Variants in TPBG observed in about 807,000 individuals in gnomAD.
TPBG encodes 5T4 oncofetal antigen.
In TPBG, 13 loss-of-function variants were observed where a neutral mutation model predicts 19.3. That is an observed-to-expected ratio of 0.67 (90% CI 0.44 to 1.07). The LOEUF is 1.07. Ranked by LOEUF, TPBG falls within the 50% of genes least tolerant of loss-of-function variation. The probability of loss-of-function intolerance (pLI) is 0.00; values close to 1 mark genes in which losing one functional copy is unlikely to be tolerated. For synonymous variants in TPBG, 338 were observed against 259.8 expected, an observed-to-expected ratio of 1.30 and a Z score of -2.89; for missense variants, 642 against 559.6, an observed-to-expected ratio of 1.15 and a Z score of -1.49.
rs1384825687 is a variant in TPBG at position 82,365,122 on chromosome 6, C to T, written c.161C>T (p.Ala54Val). The T allele has an allele frequency of 1.3e-6, 2 of 1,596,780 alleles. No individual in the cohort carries two copies. The highest frequency in any genetic ancestry group is 1.7e-6 in the Non-Finnish European group (2 of 1,172,450). ...CCGTTCCTGGCTTCCGCCGTGTCCG[C>T]CCAGCCCCCGCTGCCGGACCAGTGC... Reference protein sequence around the residue: ...SAPFLASAVSAQPPLPDQCPA... With the variant: ...SAPFLASAVSVQPPLPDQCPA... Residue 54 changes from alanine (A) to valine (V), a missense_variant, in exon 2 of 2, where the codon GCC becomes GTC. Coordinates refer to ENST00000369750, the MANE Select transcript of TPBG (RefSeq NM_001376922.1).
At position 82,366,838 on chromosome 6, in the gene TPBG, A is replaced by G. The variant is rs1019421973; in HGVS notation, c.*614A>G. 1.8e-5 allele frequency: 3 copies of G among 166,956 alleles called. No individual in the cohort carries two copies. The highest frequency in any genetic ancestry group is 7.2e-5 in the African/African-American group (3 of 41,398). 10.3% of individuals were successfully genotyped at this position (166,956 alleles called of 1,614,324 possible). On this transcript the variant is annotated 3_prime_UTR_variant, in exon 2 of 2. Coordinates refer to ENST00000369750, the MANE Select transcript of TPBG (RefSeq NM_001376922.1). Reference sequence around the variant, plus strand: ...AATTACTTTTTTGATTGCAGTTTATATGAAAATGTACTGATTTTTTTTTAA... The same window carrying G: ...AATTACTTTTTTGATTGCAGTTTATGTGAAAATGTACTGATTTTTTTTTAA...
In TPBG at chr6:82,364,619, C is replaced by G. The variant is rs1330808968; in HGVS notation, c.-339-4C>G. ...TGTTCACGCCTCTCTCCTGCTTGTC[C>G]CAGGTCCCTCAGAGGATCCAGCGAG... On this transcript the variant is annotated splice_region_variant and splice_polypyrimidine_tract_variant and intron_variant, in intron 1 of 1. Transcript: ENST00000369750. The G allele has an allele frequency of 3.6e-6, 1 of 281,104 alleles. No homozygotes were observed. Among genetic ancestry groups the G allele is most frequent in the African/African-American group, 2.2e-5 (1 of 45,354 alleles). 17.4% of individuals were successfully genotyped at this position (281,104 alleles called of 1,614,324 possible). A position where few individuals can be genotyped will look rare whatever the true frequency, so the allele number is the denominator to read the frequency against.
rs1767485872 is a variant in TPBG at position 82,365,891 on chromosome 6, G to A, written c.930G>A (p.Lys310=). The stretch of plus-strand genomic sequence containing the variant: ...TGGCAGACATGGTGACCTGGCTCAA[G>A]GAAACAGAGGTAGTGCAGGGCAAAG... ...CHMADMVTWL[K]ETEVVQGKDR... is the part of the protein sequence containing the mutation. The change falls in exon 2 of 2, where the codon AAG becomes AAA. Residue 310 remains lysine (K), a synonymous_variant. Transcript: ENST00000369750. The A allele has an allele frequency of 6.2e-7, 1 of 1,614,188 alleles. No individual in the cohort carries two copies. Among genetic ancestry groups the A allele is most frequent in the East Asian group, 2.2e-5 (1 of 44,862 alleles).
In TPBG at chr6:82,366,147, A is replaced by T. The variant is rs773064119; in HGVS notation, c.1186A>T (p.Met396Leu). The T allele has an allele frequency of 1.9e-6, 3 of 1,613,950 alleles. No homozygotes were observed. The highest frequency in any genetic ancestry group is 1.1e-5 in the South Asian group (1 of 91,040). ...HNIRDACRDH[M>L]EGYHYRYEIN... ...CATCAGAGATGCCTGCAGGGATCAC[A>T]TGGAAGGGTATCATTACAGATATGA... The change falls in exon 2 of 2, where the codon ATG becomes TTG. Residue 396 changes from methionine to leucine, a missense_variant. Transcript: ENST00000369750.
In TPBG at chr6:82,365,356, AG is replaced by A; in HGVS notation, c.397del (p.Val133CysfsTer46). 6.3e-7 allele frequency: 1 copy of A among 1,582,122 alleles called. No homozygotes were observed. Among genetic ancestry groups the A allele is most frequent in the Non-Finnish European group, 8.5e-7 (1 of 1,170,722 alleles). ...ALNLSGSRLD[E>X]VRAGAFEHLP... ...AACCTCAGCGGCAGCCGCCTGGACG[AG>A]GTGCGCGCGGGCGCCTTCGAGCATC... On this transcript the variant is annotated frameshift_variant, in exon 2 of 2. Coordinates refer to ENST00000369750, the MANE Select transcript of TPBG (RefSeq NM_001376922.1). LOFTEE classifies it high-confidence loss of function.
In TPBG at chr6:82,365,792, C is replaced by A; in HGVS notation, c.831C>A (p.Thr277=). 6.2e-7 allele frequency: 1 copy of A among 1,614,170 alleles called. No individual in the cohort carries two copies. The highest frequency in any genetic ancestry group is 8.5e-7 in the Non-Finnish European group (1 of 1,180,040). The change falls in exon 2 of 2, where the codon ACC becomes ACA. Residue 277 remains threonine (T), a synonymous_variant. Coordinates refer to ENST00000369750, the MANE Select transcript of TPBG (RefSeq NM_001376922.1). ...DNALKVLHNG[T]LAELQGLPHI... ...CCCTCAAGGTCCTTCACAATGGCAC[C>A]CTGGCTGAGTTGCAAGGTCTACCCC... is the stretch of plus-strand genomic sequence containing the variant.
In TPBG at chr6:82,365,352, G is replaced by C. The variant is rs1767461492; in HGVS notation, c.391G>C (p.Asp131His). ...GCTCAACCTCAGCGGCAGCCGCCTG[G>C]ACGAGGTGCGCGCGGGCGCCTTCGA... ...AALNLSGSRL[D>H]EVRAGAFEHL... is the part of the protein sequence containing the mutation. The change falls in exon 2 of 2, where the codon GAC becomes CAC. Residue 131 changes from aspartate (D) to histidine (H), a missense_variant. Coordinates refer to ENST00000369750, the MANE Select transcript of TPBG (RefSeq NM_001376922.1). 2 of 1,581,742 alleles carry C rather than the reference G, an allele frequency of 1.3e-6. No homozygotes were observed. Among genetic ancestry groups the C allele is most frequent in the Non-Finnish European group, 1.7e-6 (2 of 1,170,738 alleles).
rs773369774 is a variant in TPBG at position 82,365,109 on chromosome 6, T to C, written c.148T>C (p.Ser50Pro). 5.0e-6 allele frequency: 8 copies of C among 1,588,056 alleles called. No individual in the cohort carries two copies. The Admixed American group carries it at 1.4e-4, about 28-fold the overall frequency. The change falls in exon 2 of 2, where the codon TCC becomes CCC. Residue 50 changes from serine (S) to proline (P), a missense_variant. Coordinates refer to ENST00000369750, the MANE Select transcript of TPBG (RefSeq NM_001376922.1). ...SFSSSAPFLA[S>P]AVSAQPPLPD... is the part of the protein sequence containing the mutation. ...CTCCTCCTCGGCGCCGTTCCTGGCT[T>C]CCGCCGTGTCCGCCCAGCCCCCGCT...
chr6:82,365,484 C>T lies in TPBG; in HGVS notation c.523C>T (p.Leu175Phe). The change falls in exon 2 of 2, where the codon CTT (leucine) becomes TTT (phenylalanine). Residue 175 changes from leucine (L) to phenylalanine (F), a missense_variant. Coordinates refer to ENST00000369750, the MANE Select transcript of TPBG (RefSeq NM_001376922.1). ...SNASVSAPSP[L>F]VELILNHIVP... ...TGCCAGCGTCTCGGCCCCCAGTCCC[C>T]TTGTGGAACTGATCCTGAACCACAT... The T allele has an allele frequency of 1.9e-6, 3 of 1,605,600 alleles. No homozygotes were observed. The highest frequency in any genetic ancestry group is 2.2e-5 in the East Asian group (1 of 44,844).
Position 82,367,359 on chromosome 6 carries a change from AAAGATAAAG to A in TPBG, c.*1136_*1144del, listed in dbSNP as rs1767533803. The A allele has an allele frequency of 6.8e-6, 1 of 148,034 alleles. No homozygotes were observed. Among genetic ancestry groups the A allele is most frequent in the African/African-American group, 2.5e-5 (1 of 40,094 alleles). The allele number at this position is 148,034 out of a possible 1,614,324, so 9.2% of individuals were successfully genotyped here. ...AAACAAATGTAATGCAAATAAATAT[AAAGATAAAG>A]TGTCTTAAAGACAATATTCTGAAAT... On this transcript the variant is annotated 3_prime_UTR_variant, in exon 2 of 2. Transcript: ENST00000369750.
In TPBG at chr6:82,365,390, C is replaced by T. The variant is rs145003725; in HGVS notation, c.429C>T (p.Ser143=). ...CGGGCGCCTTCGAGCATCTGCCCAG[C>T]CTGCGCCAGCTCGACCTCAGCCACA... ...VRAGAFEHLP[S]LRQLDLSHNP... The change falls in exon 2 of 2, where the codon AGC becomes AGT. Residue 143 remains serine, a synonymous_variant. Transcript: ENST00000369750. 4.1e-5 allele frequency: 65 copies of T among 1,601,324 alleles called. No individual in the cohort carries two copies. The African/African-American group carries it at 8.2e-4, about 20-fold the overall frequency.
chr6:82,366,133 C>G lies in TPBG; in HGVS notation c.1172C>G (p.Ala391Gly). ...IKKWMHNIRD[A>G]CRDHMEGYHY... ...AAGTGGATGCATAACATCAGAGATG[C>G]CTGCAGGGATCACATGGAAGGGTAT... Residue 391 changes from alanine (A) to glycine (G), a missense_variant, in exon 2 of 2, where the codon GCC becomes GGC. Physicochemically the swap from Ala to Gly is moderately conservative, Grantham distance 60 (BLOSUM62 0). Coordinates refer to ENST00000369750, the MANE Select transcript of TPBG (RefSeq NM_001376922.1). 6.2e-7 allele frequency: 1 copy of G among 1,614,142 alleles called. No individual in the cohort carries two copies. Among genetic ancestry groups the G allele is most frequent in the Non-Finnish European group, 8.5e-7 (1 of 1,180,020 alleles).
In TPBG at chr6:82,365,053, C is replaced by T; in HGVS notation, c.92C>T (p.Ser31Leu). ...CTGGTACTCCTGGGCTGGGTCTCCT[C>T]GTCTTCTCCCACCTCCTCGGCATCC... ...LALVLLGWVS[S>L]SSPTSSASSF... Residue 31 changes from serine (S) to leucine (L), a missense_variant, in exon 2 of 2, where the codon TCG (serine) becomes TTG (leucine). Physicochemically the swap from Ser to Leu is moderately radical, Grantham distance 145. Coordinates refer to ENST00000369750, the MANE Select transcript of TPBG (RefSeq NM_001376922.1). 7 of 1,550,780 alleles carry T rather than the reference C, an allele frequency of 4.5e-6. No homozygotes were observed. Among genetic ancestry groups the T allele is most frequent in the African/African-American group, 2.8e-5 (2 of 72,606 alleles).
In TPBG at chr6:82,366,011, A is replaced by G. The variant is rs1472602013; in HGVS notation, c.1050A>G (p.Pro350=). 1 of 1,613,744 alleles carries G rather than the reference A, an allele frequency of 6.2e-7. No individual in the cohort carries two copies. The highest frequency in any genetic ancestry group is 1.7e-5 in the Admixed American group (1 of 59,982). Residue 350 remains proline (P), a synonymous_variant, in exon 2 of 2, where the codon CCA becomes CCG. Coordinates refer to ENST00000369750, the MANE Select transcript of TPBG (RefSeq NM_001376922.1). ...ADLDCDPILP[P]SLQTSYVFLG... is the part of the protein sequence containing the mutation. ...TGGACTGTGACCCGATTCTTCCCCC[A>G]TCCCTGCAAACCTCTTATGTCTTCC...
rs1484258121 is a variant in TPBG, at chr6:82,366,508, G to A, written c.*284G>A. The A allele has an allele frequency of 9.7e-6, 3 of 310,298 alleles. No individual in the cohort carries two copies. Among genetic ancestry groups the A allele is most frequent in the Non-Finnish European group, 1.9e-5 (3 of 159,092 alleles). The allele number at this position is 310,298 out of a possible 1,614,324, so 19.2% of individuals were successfully genotyped here. A position where few individuals can be genotyped will look rare whatever the true frequency, so the allele number is the denominator to read the frequency against. On this transcript the variant is annotated 3_prime_UTR_variant, in exon 2 of 2. Coordinates refer to ENST00000369750, the MANE Select transcript of TPBG (RefSeq NM_001376922.1). ...GTTTCAGCATGAACATGGGCTTCTT[G>A]CTGTCTGTCTCTCTCTCAGTACAGT... is the stretch of plus-strand genomic sequence containing the variant.
rs1767424817 is a variant in TPBG, at chr6:82,364,739, C to A, written c.-223C>A. ...GAGCGGAGCGTCCCGACCCGCCGTG[C>A]GTACTTTCTGGAGGGAAGGGGCGGG... On this transcript the variant is annotated 5_prime_UTR_variant, in exon 2 of 2. Coordinates refer to ENST00000369750, the MANE Select transcript of TPBG (RefSeq NM_001376922.1). 2.2e-6 allele frequency: 1 copy of A among 456,290 alleles called. No individual in the cohort carries two copies. The highest frequency in any genetic ancestry group is 4.4e-5 in the Admixed American group (1 of 22,918). 28.3% of individuals were successfully genotyped at this position (456,290 alleles called of 1,614,324 possible). A position where few individuals can be genotyped will look rare whatever the true frequency, so the allele number is the denominator to read the frequency against.
In TPBG at chr6:82,365,594, G is replaced by C; in HGVS notation, c.633G>C (p.Gly211=). 6.3e-7 allele frequency: 1 copy of C among 1,598,168 alleles called. No homozygotes were observed. Among genetic ancestry groups the C allele is most frequent in the South Asian group, 1.1e-5 (1 of 87,968 alleles). The part of the protein sequence containing the change: ...AALLAGRALQ[G]LRRLELASNH... ...TGCTGGCGGGCCGTGCACTGCAGGG[G>C]CTCCGCCGCTTGGAGCTGGCCAGCA... is the stretch of plus-strand genomic sequence containing the variant. Residue 211 remains glycine (G), a synonymous_variant, in exon 2 of 2, where the codon GGG becomes GGC. Coordinates refer to ENST00000369750, the MANE Select transcript of TPBG (RefSeq NM_001376922.1).
chr6:82,365,241 C>T lies in TPBG; in HGVS notation c.280C>T (p.Arg94Cys). 1.9e-6 allele frequency: 3 copies of T among 1,589,860 alleles called. No individual in the cohort carries two copies. Among genetic ancestry groups the T allele is most frequent in the Non-Finnish European group, 2.6e-6 (3 of 1,173,732 alleles). Reference protein sequence around the residue: ...EVPTDLPAYVRNLFLTGNQLA... With the variant: ...EVPTDLPAYVCNLFLTGNQLA... ...GCCCACGGACCTGCCCGCCTACGTG[C>T]GCAACCTCTTCCTTACCGGCAACCA... Residue 94 changes from arginine to cysteine, a missense_variant, in exon 2 of 2, where the codon CGC becomes TGC. Arg to Cys is a radical substitution (Grantham distance 180). Transcript: ENST00000369750.
Position 82,365,390 on chromosome 6 carries a change from C to G in TPBG, c.429C>G (p.Ser143Arg). ...VRAGAFEHLP[S>R]LRQLDLSHNP... ...CGGGCGCCTTCGAGCATCTGCCCAG[C>G]CTGCGCCAGCTCGACCTCAGCCACA... Residue 143 changes from serine to arginine, a missense_variant, in exon 2 of 2, where the codon AGC (serine) becomes AGG (arginine). Physicochemically the swap from Ser to Arg is moderately radical, Grantham distance 110. Coordinates refer to ENST00000369750, the MANE Select transcript of TPBG (RefSeq NM_001376922.1). 1 of 1,601,326 alleles carries G rather than the reference C, an allele frequency of 6.2e-7. No individual in the cohort carries two copies. Among genetic ancestry groups the G allele is most frequent in the Non-Finnish European group, 8.5e-7 (1 of 1,175,608 alleles).
Sources: allele counts gnomAD v4.1 joint callset, GRCh38; gene constraint gnomAD v4.1.1; transcripts MANE v1.5; gene names NCBI Gene and HGNC (gene_info 2026-07-23, HGNC 2026-07-21).